Variants in DNTT observed in about 807,000 individuals in gnomAD.
DNTT encodes nucleosidetriphosphate:DNA deoxynucleotidylexotransferase.
In DNTT, 47 loss-of-function variants were observed where a neutral mutation model predicts 60.9. The observed-to-expected ratio is 0.77, with a 90% CI of 0.61 to 0.98. The LOEUF (loss-of-function observed/expected upper bound fraction) is 0.98, where lower values mean the gene tolerates loss of function less well. Ranked by LOEUF, DNTT falls within the 50% of genes least tolerant of loss-of-function variation. The pLI is 0.00. For synonymous variants in DNTT, 224 were observed against 221.2 expected, an observed-to-expected ratio of 1.01 and a Z score of -0.11; for missense variants, 665 against 627.5, an observed-to-expected ratio of 1.06 and a Z score of -0.64.
chr10:96,337,503 A>G (rs1845088004), intron 10 of DNTT, among the ~76,000 whole-genome samples: 2 of 152,240 alleles, frequency 1.3e-5, no homozygotes, highest in East Asian at 1.9e-4. Context: ...CACATAGTAC[A>G]ATGAAGGAAC....
At chr10:96,314,589 T>C (rs868368371) in intron 1 of DNTT, among the ~76,000 whole-genome samples, 1 of 149,726 alleles carries the variant, frequency 6.7e-6, no homozygotes, top group South Asian at 2.1e-4. Context: ...ATTTTTTGTA[T>C]TTTTAGTAGA....
intron 1 of DNTT, among the ~76,000 whole-genome samples, chr10:96,311,828 G>A (rs974987866): frequency 6.6e-6 from 1 of 152,136 alleles, no homozygotes; most frequent in Non-Finnish European, 1.5e-5. Context: ...ATTTTTAGTA[G>A]AGACGGGGTT....
chr10:96,323,261 T>C (rs755270431), intron 5 of DNTT, among the ~76,000 whole-genome samples: 8 of 152,148 alleles, frequency 5.3e-5, no homozygotes, highest in Non-Finnish European at 1.2e-4. Flanking sequence ...ATCATGCCAC[T>C]GTACTCCAGC....
At chr10:96,335,132 T>C (rs1039180915) in intron 9 of DNTT, among the ~76,000 whole-genome samples, 6 of 152,346 alleles carry the variant, frequency 3.9e-5, no homozygotes, top group Admixed American at 1.3e-4. Flanking sequence ...TACTCCCACA[T>C]GAAGAGGACA....
chr10:96,320,166 A>G (rs956951698), intron 3 of DNTT, among the ~76,000 whole-genome samples: 18 of 152,136 alleles, frequency 1.2e-4, no homozygotes, highest in African/African-American at 4.3e-4. Context: ...ACCTTAAATA[A>G]TCCTGGCTCT....
intron 1 of DNTT, among the ~76,000 whole-genome samples, chr10:96,312,984 G>T (rs1844738026): frequency 6.6e-6 from 1 of 152,124 alleles, no homozygotes; most frequent in Admixed American, 6.5e-5. Flanking sequence ...CAGAGACCAT[G>T]CCACTGTCCC....
chr10:96,320,713 G>A lies in DNTT; in HGVS notation c.603G>A (p.Leu201=), dbSNP rs181822026. 23 of 1,613,856 alleles carry A rather than the reference G, an allele frequency of 1.4e-5. No homozygotes were observed. Among genetic ancestry groups the A allele is most frequent in the Admixed American group, 3.3e-5 (2 of 60,010 alleles). ...GAGCAGCTTCTGTATTGAAATCTCT[G>A]CCATTCACAATCATCAGTATGAAGG... ...FMRAASVLKS[L]PFTIISMKDT... The change falls in exon 4 of 11, where the codon CTG becomes CTA. Residue 201 remains leucine, a synonymous_variant. Coordinates refer to ENST00000371174, the MANE Select transcript of DNTT (RefSeq NM_004088.4).
chr10:96,311,544 C>T (rs1844713828), intron 1 of DNTT, among the ~76,000 whole-genome samples: 1 of 152,208 alleles, frequency 6.6e-6, no homozygotes, highest in Non-Finnish European at 1.5e-5. Flanking sequence ...AATTCCATAA[C>T]CCAGGGCTTT....
intron 1 of DNTT, among the ~76,000 whole-genome samples, chr10:96,305,766 T>A (rs1398188327): frequency 2.6e-5 from 4 of 152,204 alleles, no homozygotes; most frequent in African/African-American, 9.7e-5. Context: ...CAAAAGTCAA[T>A]TTTCAGATAT....
At chr10:96,313,550 G>A (rs547324766) in intron 1 of DNTT, among the ~76,000 whole-genome samples, 4 of 152,212 alleles carry the variant, frequency 2.6e-5, no homozygotes, top group East Asian at 3.9e-4. Flanking sequence ...TTTGAACCTC[G>A]GCTTCATGTA....
At chr10:96,306,822 C>A (rs910106983) in intron 1 of DNTT, 1 of 152,246 alleles carries the variant, frequency 6.6e-6, no homozygotes, top group African/African-American at 2.4e-5. Flanking sequence ...CAAATGTGCT[C>A]TATGGCGCAA....
chr10:96,304,760 G>A, intron 1 of DNTT, 60 bp downstream of exon 1: 9 of 1,537,698 alleles, frequency 5.9e-6, no homozygotes, highest in Non-Finnish European at 7.9e-6. Flanking sequence ...AGCTTCTTGG[G>A]AACCCAAGGA....
At chr10:96,334,647 T>C (rs1845046166) in intron 9 of DNTT, among the ~76,000 whole-genome samples, 1 of 152,204 alleles carries the variant, frequency 6.6e-6, no homozygotes, top group Non-Finnish European at 1.5e-5. Flanking sequence ...CTGGGATTTC[T>C]TACTCTAATC....
intron 9 of DNTT, 91 bp from the exon 10 acceptor site, chr10:96,335,800 G>C (rs1398932127): frequency 1.4e-6 from 2 of 1,390,296 alleles, no homozygotes; most frequent in Non-Finnish European, 2.0e-6. Flanking sequence ...ATGTTTAGTG[G>C]AGTTACATAT....
rs376020868 is a variant in DNTT, at chr10:96,338,129, T to G, written c.1444-9T>G. 2 of 1,610,586 alleles carry G rather than the reference T, an allele frequency of 1.2e-6. No individual in the cohort carries two copies. The highest frequency in any genetic ancestry group is 1.7e-6 in the Non-Finnish European group (2 of 1,178,710). ...ATCTGAATGCACATATTTCTTGTTA[T>G]GTTTTCAGAGGATATTCCTCAAAGC... On this transcript the variant is annotated splice_polypyrimidine_tract_variant and intron_variant, in intron 10 of 10. Transcript: ENST00000371174.
chr10:96,335,816 T>C (rs1377464175), intron 9 of DNTT, 75 bp from the exon 10 acceptor site: 2 of 1,497,490 alleles, frequency 1.3e-6, no homozygotes, highest in Admixed American at 1.7e-5. Flanking sequence ...CATATTTCAC[T>C]AGAGGGATGT....
intron 1 of DNTT, chr10:96,306,483 A>G (rs1844639477): frequency 6.6e-6 from 1 of 152,268 alleles, no homozygotes; most frequent in Admixed American, 6.5e-5. Flanking sequence ...TTAGGCAGGA[A>G]GGAAAGAACC....
chr10:96,308,670 C>T (rs551869494), intron 1 of DNTT, among the ~76,000 whole-genome samples: 38 of 152,160 alleles, frequency 2.5e-4, no homozygotes, highest in Non-Finnish European at 4.1e-4. Context: ...TGGGTGCAAG[C>T]GAGCTGAGTC....
intron 1 of DNTT, 33 bp from the exon 2 acceptor site, chr10:96,318,319 T>C (rs1315924537): frequency 3.2e-6 from 5 of 1,583,786 alleles, no homozygotes; most frequent in Non-Finnish European, 4.3e-6. Context: ...TTGAAAGATG[T>C]TTCAGCTGGT....
Sources: allele counts gnomAD v4.1 joint callset (sites outside exome capture counted in the v4.1 genomes callset), GRCh38; gene constraint gnomAD v4.1.1; transcripts MANE v1.5; gene names NCBI Gene and HGNC (gene_info 2026-07-23, HGNC 2026-07-21).